Variants in OSBPL10 observed in about 807,000 individuals in gnomAD.
OSBPL10 encodes the protein oxysterol-binding protein-related protein 10.
A neutral mutation model predicts 81.7 loss-of-function variants in OSBPL10; 49 were observed. The observed-to-expected ratio is 0.60, with a 90% CI of 0.48 to 0.76. The LOEUF is 0.76. Ranked by LOEUF, OSBPL10 falls within the 30% of genes least tolerant of loss-of-function variation. The pLI, the probability that OSBPL10 is intolerant of heterozygous loss-of-function variation, is 0.00. For missense variants in OSBPL10, 923 were observed against 987.8 expected (o/e 0.93, Z 0.88); for synonymous variants, 419 against 383.6 (o/e 1.09, Z -1.08).
chr3:31,900,489 G>A (rs1696204104), intron 1 of OSBPL10, among the ~76,000 whole-genome samples: 1 of 152,060 alleles, frequency 6.6e-6, no homozygotes, highest in Non-Finnish European at 1.5e-5. Context: ...CCTCTCCTCA[G>A]ACAAGACCCA....
intron 1 of OSBPL10, among the ~76,000 whole-genome samples, chr3:31,934,706 ATAT>A (rs1432363048): frequency 6.6e-6 from 1 of 152,094 alleles, no homozygotes; most frequent in African/African-American, 2.4e-5. Context: ...AAGGCTGACT[ATAT>A]TACTACATTT....
intron 1 of OSBPL10, among the ~76,000 whole-genome samples, chr3:32,070,321 C>A (rs1052085024): frequency 6.6e-6 from 1 of 152,264 alleles, no homozygotes; most frequent in Middle Eastern, 3.4e-3. Flanking sequence ...TTCTTTTATG[C>A]ACTCTTTTTC....
intron 1 of OSBPL10, among the ~76,000 whole-genome samples, chr3:31,950,852 C>CTCCTCTCTCTCT (rs1276916824): frequency 2.0e-5 from 3 of 152,186 alleles, no homozygotes; most frequent in Admixed American, 2.0e-4. Context: ...TGTGACATGC[C>CTCCTCTCTCTCT]TGCTCCCTCC....
chr3:31,985,149 A>G (rs970164487), upstream of OSBPL10, among the ~76,000 whole-genome samples: 17 of 152,138 alleles, frequency 1.1e-4, no homozygotes, highest in Admixed American at 4.6e-4. Flanking sequence ...TGAGGCAGGA[A>G]AATCGCTTGA....
intron 2 of OSBPL10, among the ~76,000 whole-genome samples, chr3:31,992,970 T>A (rs983525884): frequency 3.9e-5 from 6 of 152,000 alleles, no homozygotes; most frequent in Non-Finnish European, 5.9e-5. Flanking sequence ...GCCACTGCAC[T>A]CCAGCCCAGG....
chr3:31,798,793 T>C (rs1050592412), intron 4 of OSBPL10, among the ~76,000 whole-genome samples: 4 of 152,198 alleles, frequency 2.6e-5, no homozygotes, highest in Non-Finnish European at 2.9e-5. Flanking sequence ...TCAAGTCCTG[T>C]ATACAAAGAG....
At position 31,733,297 on chromosome 3, in the gene OSBPL10, T is replaced by C; in HGVS notation, c.1055A>G (p.Asn352Ser). The change falls in exon 6 of 12, where the codon AAC becomes AGC. Residue 352 changes from asparagine to serine, a missense_variant. By Grantham distance (46) the Asn-to-Ser change is conservative. Coordinates refer to ENST00000396556, the MANE Select transcript of OSBPL10 (RefSeq NM_017784.5). ...SANITWAILP[N>S]SAEDEQTSQP... ...TGAGGTTTGTTCGTCTTCAGCAGAG[T>C]TTGGTAAAATTGCCCAGGTTATGTT... is the stretch of plus-strand genomic sequence containing the variant. 6.2e-7 allele frequency: 1 copy of C among 1,612,776 alleles called. No individual in the cohort carries two copies. The highest frequency in any genetic ancestry group is 8.5e-7 in the Non-Finnish European group (1 of 1,179,750).
Position 32,063,672 on chromosome 3 carries a change from T to C in OSBPL10, n.185+13724A>G, listed in dbSNP as rs572504960. Among the ~76,000 whole-genome samples the C allele has an allele frequency of 2.4e-3, 219 of 91,486 alleles. 47 individuals are homozygous for C. The highest frequency in any genetic ancestry group is 6.0e-3 in the African/African-American group (214 of 35,616). The allele number at this position is 91,486 out of a possible 152,430, so 60.0% of individuals were successfully genotyped here. A position where few individuals can be genotyped will look rare whatever the true frequency, so the allele number is the denominator to read the frequency against. The stretch of plus-strand genomic sequence containing the variant: ...AGGGACCTGGTGGGAGGTGATTGGA[T>C]CATGGGGGCAGTTTCCCCCATGCTG... On this transcript the variant is annotated intron_variant and non_coding_transcript_variant, in intron 1 of 3. Coordinates refer to the OSBPL10 transcript ENST00000479173.
rs373931545 is a variant in OSBPL10, at chr3:31,989,210, C to T, written n.298+57281G>A. 3.6e-5 allele frequency: 58 copies of T among 1,614,122 alleles called. No homozygotes were observed. The highest frequency in any genetic ancestry group is 2.0e-4 in the African/African-American group (15 of 75,008). ...GAGGAGTGGAAATGCCTGGACCCTA[C>T]GCAGAGGGCTTTATACAGGGCCATG... On this transcript the variant is annotated intron_variant and non_coding_transcript_variant, in intron 2 of 3. Transcript: ENST00000479173.
intron 4 of OSBPL10, among the ~76,000 whole-genome samples, chr3:31,828,427 T>C (rs1575570631): frequency 6.6e-6 from 1 of 152,314 alleles, no homozygotes; most frequent in East Asian, 1.9e-4. Flanking sequence ...AATTTTCCAT[T>C]ATACAATGTT....
intron 1 of OSBPL10, among the ~76,000 whole-genome samples, chr3:31,898,342 C>A (rs1213288167): frequency 6.6e-6 from 1 of 152,078 alleles, no homozygotes. Flanking sequence ...TTTAACCACT[C>A]CACATTGTAT....
chr3:31,803,269 G>A (rs1180723852), intron 4 of OSBPL10, among the ~76,000 whole-genome samples: 1 of 152,224 alleles, frequency 6.6e-6, no homozygotes, highest in East Asian at 1.9e-4. Flanking sequence ...CTGGCCTGAG[G>A]TCAGCTGAAG....
chr3:31,977,080 A>C (rs1158634294), intron 1 of OSBPL10, among the ~76,000 whole-genome samples: 4 of 152,166 alleles, frequency 2.6e-5, no homozygotes, highest in Non-Finnish European at 5.9e-5. Flanking sequence ...AAGCACCTCA[A>C]ACTGAACACA....
intron 3 of OSBPL10, among the ~76,000 whole-genome samples, chr3:31,863,663 T>C (rs1048777331): frequency 6.6e-5 from 10 of 152,190 alleles, no homozygotes; most frequent in Admixed American, 2.0e-4. Flanking sequence ...TTTACTATTA[T>C]TTCCTTTTCC....
rs1699757701 is a variant in OSBPL10 at position 32,062,563 on chromosome 3, C to T, written n.185+14833G>A. On this transcript the variant is annotated intron_variant and non_coding_transcript_variant, in intron 1 of 3. Transcript: ENST00000479173. ...ATCTTTACGATTTAGAAAGTCCTTTCATGCTGGTCCAGACAAAACTCTGAG... is the reference window on the plus strand; with the variant it reads ...ATCTTTACGATTTAGAAAGTCCTTTTATGCTGGTCCAGACAAAACTCTGAG... Among the ~76,000 whole-genome samples, 3 of 94,992 alleles carry T rather than the reference C, an allele frequency of 3.2e-5. 1 individual carries two copies. In the East Asian group the frequency reaches 7.3e-4, roughly 23 times the overall value. The allele number at this position is 94,992 out of a possible 152,430, so 62.3% of individuals were successfully genotyped here. A position where few individuals can be genotyped will look rare whatever the true frequency, so the allele number is the denominator to read the frequency against.
chr3:31,921,641 C>T (rs1194263670), intron 1 of OSBPL10, among the ~76,000 whole-genome samples: 1 of 152,112 alleles, frequency 6.6e-6, no homozygotes, highest in African/African-American at 2.4e-5. Context: ...GGAGAAGAGA[C>T]AAATCTCCCA....
At chr3:31,939,493 C>T (rs1056134808) in intron 1 of OSBPL10, among the ~76,000 whole-genome samples, 8 of 151,770 alleles carry the variant, frequency 5.3e-5, no homozygotes, top group African/African-American at 1.9e-4. Context: ...TCAGACCTAA[C>T]GCCTGCTCCA....
intron 8 of OSBPL10, among the ~76,000 whole-genome samples, chr3:31,674,832 C>T (rs537815986): frequency 3.3e-5 from 5 of 152,272 alleles, no homozygotes; most frequent in African/African-American, 7.2e-5. Context: ...TTTATAGCAA[C>T]ACAAATGGAC....
At chr3:31,759,216 A>G (rs889237091) in intron 4 of OSBPL10, among the ~76,000 whole-genome samples, 1 of 152,226 alleles carries the variant, frequency 6.6e-6, no homozygotes, top group African/African-American at 2.4e-5. Flanking sequence ...GATTCCGAGT[A>G]GAAGGCAAAG....
Sources: allele counts gnomAD v4.1 joint callset (sites outside exome capture counted in the v4.1 genomes callset), GRCh38; gene constraint gnomAD v4.1.1; transcripts MANE v1.5; gene names NCBI Gene and HGNC (gene_info 2026-07-23, HGNC 2026-07-21).